PKIB: variants seen among roughly 807,000 people sequenced by gnomAD.
PKIB encodes the protein cAMP-dependent protein kinase inhibitor beta.
Under a neutral mutation model 4.5 loss-of-function variants are expected in PKIB, and 2 were observed. That is an observed-to-expected ratio of 0.44 (90% confidence interval 0.18 to 1.39). PKIB has a LOEUF of 1.39. Among genes scored for constraint, PKIB ranks in the 40% most tolerant of loss-of-function variants. The probability of loss-of-function intolerance (pLI) is 0.27; values close to 1 mark genes in which losing one functional copy is unlikely to be tolerated. For synonymous variants in PKIB, 38 were observed against 36.0 expected, an observed-to-expected ratio of 1.06 and a Z score of -0.20; for missense variants, 94 against 92.6, an observed-to-expected ratio of 1.02 and a Z score of -0.06.
At chr6:122,631,325 T>G (rs2114819909) in intron 1 of PKIB, among the ~76,000 whole-genome samples, 1 of 152,318 alleles carries the variant, frequency 6.6e-6, no homozygotes, top group African/African-American at 2.4e-5. Context: ...GAGCTCCCTT[T>G]CCTTTTTCTC....
chr6:122,505,576 T>C (rs1353146346), intron 2 of PKIB, among the ~76,000 whole-genome samples: 1 of 152,136 alleles, frequency 6.6e-6, no homozygotes, highest in Non-Finnish European at 1.5e-5. Flanking sequence ...TTTAAGAGGG[T>C]TTTCGTTTGA....
At chr6:122,597,320 G>A (rs1310687307) in intron 3 of PKIB, among the ~76,000 whole-genome samples, 2 of 152,226 alleles carry the variant, frequency 1.3e-5, no homozygotes, top group Non-Finnish European at 2.9e-5. Context: ...AGGTGGGACA[G>A]TAAAGATATA....
chr6:122,576,710 A>ATATATATATAT (rs59569106), intron 2 of PKIB, among the ~76,000 whole-genome samples: 110 of 109,952 alleles, frequency 1.0e-3, no homozygotes, highest in East Asian at 1.3e-3. Flanking sequence ...ATATATATAT[A>ATATATATATAT]TTTTCTTTTG....
chr6:122,725,407 C>T lies in PKIB; in HGVS notation c.*212C>T, dbSNP rs796644361. On this transcript the variant is annotated 3_prime_UTR_variant, in exon 5 of 5. Coordinates refer to ENST00000368452, the MANE Select transcript of PKIB (RefSeq NM_181795.3). ...ATTAAAAGGCAGGTTACTTCCAAATCGCACTGAAGGAAAAGGTTAAGAATA... is the reference window on the plus strand; with the variant it reads ...ATTAAAAGGCAGGTTACTTCCAAATTGCACTGAAGGAAAAGGTTAAGAATA... The T allele has an allele frequency of 3.8e-6, 2 of 521,002 alleles. No homozygotes were observed. Among genetic ancestry groups the T allele is most frequent in the South Asian group, 6.7e-5 (2 of 30,034 alleles). The allele number at this position is 521,002 out of a possible 1,614,324, so 32.3% of individuals were successfully genotyped here. A position where few individuals can be genotyped will look rare whatever the true frequency, so the allele number is the denominator to read the frequency against.
At chr6:122,721,797 T>A (rs901804430) in intron 4 of PKIB, among the ~76,000 whole-genome samples, 2 of 122,400 alleles carry the variant, frequency 1.6e-5, no homozygotes, top group Admixed American at 9.0e-5. Context: ...AGTAACATGT[T>A]ACTACATATA....
At chr6:122,541,207 G>A (rs1432421039) in intron 2 of PKIB, among the ~76,000 whole-genome samples, 1 of 152,036 alleles carries the variant, frequency 6.6e-6, no homozygotes, top group Admixed American at 6.6e-5. Flanking sequence ...TGTTATTTGT[G>A]AATTTGGTCC....
intron 2 of PKIB, among the ~76,000 whole-genome samples, chr6:122,532,363 C>G (rs1481950404): frequency 2.0e-5 from 3 of 152,006 alleles, no homozygotes; most frequent in Non-Finnish European, 2.9e-5. Flanking sequence ...TTATAACAAC[C>G]TTTTTATTGT....
At chr6:122,699,281 T>TAAAAAAA (rs58796900) in intron 3 of PKIB, among the ~76,000 whole-genome samples, 70,422 of 150,362 alleles carry the variant, frequency 0.47, 16,840 homozygotes, top group South Asian at 0.6. Context: ...ATTTGTGAAC[T>TAAAAAAA]AAAATATATA....
At chr6:122,541,597 T>A (rs1777605579) in intron 2 of PKIB, among the ~76,000 whole-genome samples, 1 of 152,004 alleles carries the variant, frequency 6.6e-6, no homozygotes, top group South Asian at 2.1e-4. Flanking sequence ...CTGACCTTTC[T>A]CTCTGGCTGC....
chr6:122,493,803 T>G (rs1467941524), intron 2 of PKIB, among the ~76,000 whole-genome samples: 4 of 152,164 alleles, frequency 2.6e-5, no homozygotes, highest in Non-Finnish European at 5.9e-5. Context: ...GACTTAACCT[T>G]GGTCTTCCTC....
chr6:122,585,219 T>C (rs955593362), intron 2 of PKIB, among the ~76,000 whole-genome samples: 1 of 152,168 alleles, frequency 6.6e-6, no homozygotes, highest in African/African-American at 2.4e-5. Flanking sequence ...CCTTGAATGT[T>C]TTCCTTAGCA....
chr6:122,569,380 T>G (rs1239287275), intron 2 of PKIB, among the ~76,000 whole-genome samples: 3 of 152,156 alleles, frequency 2.0e-5, no homozygotes, highest in Admixed American at 6.5e-5. Context: ...ACAGCACCTC[T>G]AGGTAGAATA....
chr6:122,670,748 C>T (rs1349546957), intron 2 of PKIB, among the ~76,000 whole-genome samples: 2 of 152,144 alleles, frequency 1.3e-5, no homozygotes, highest in Non-Finnish European at 2.9e-5. Flanking sequence ...CAGAAAACAT[C>T]CTCATGAATG....
chr6:122,538,022 G>A (rs1276947120), intron 2 of PKIB, among the ~76,000 whole-genome samples: 4 of 151,960 alleles, frequency 2.6e-5, no homozygotes, highest in African/African-American at 9.7e-5. Context: ...TTTTGATGGG[G>A]TTGTTTGTTT....
At chr6:122,522,824 C>A (rs968850934) in intron 2 of PKIB, among the ~76,000 whole-genome samples, 2 of 152,190 alleles carry the variant, frequency 1.3e-5, no homozygotes. Context: ...ATTGATCTCG[C>A]TGGGAGCTGC....
intron 2 of PKIB, among the ~76,000 whole-genome samples, chr6:122,574,100 C>G (rs142577282): frequency 4.6e-5 from 7 of 152,282 alleles, no homozygotes; most frequent in Non-Finnish European, 8.8e-5. Flanking sequence ...GTACACAAAT[C>G]AGTAGCACTG....
At chr6:122,551,874 C>CTTTTTTTTTTTTTTTTTTTTTTTT (rs61025863) in intron 2 of PKIB, among the ~76,000 whole-genome samples, 3 of 87,518 alleles carry the variant, frequency 3.4e-5, no homozygotes, top group Non-Finnish European at 4.3e-5. Context: ...CTTAGTACAT[C>CTTTTTTTTTTTTTTTTTTTTTTTT]TTTTTTTTTT....
intron 1 of PKIB, among the ~76,000 whole-genome samples, chr6:122,631,839 T>C (rs146352276): frequency 8.4e-4 from 128 of 152,322 alleles, no homozygotes; most frequent in African/African-American, 3.0e-3. Context: ...GAGAGAGTAA[T>C]CAAACTATTT....
intron 2 of PKIB, among the ~76,000 whole-genome samples, chr6:122,529,169 C>A (rs1484340586): frequency 2.0e-5 from 3 of 152,034 alleles, no homozygotes; most frequent in Non-Finnish European, 4.4e-5. Context: ...TTTTGTTGAT[C>A]TTCTGTAATG....
Sources: gnomAD v4.1 joint callset for allele counts (sites outside exome capture counted in the v4.1 genomes callset) on GRCh38, gnomAD v4.1.1 for gene constraint, MANE v1.5 for transcripts, NCBI Gene and HGNC (gene_info 2026-07-23, HGNC 2026-07-21) for gene names.